The following PYGB variants were observed in gnomAD, a reference collection of about 807,000 sequenced individuals.
PYGB encodes glycogen phosphorylase B.
Under a neutral mutation model 94.3 loss-of-function variants are expected in PYGB, and 82 were observed. That is an observed-to-expected ratio of 0.87 (90% CI 0.73 to 1.04). PYGB has a LOEUF of 1.04. Ranked by LOEUF, PYGB falls within the 50% of genes least tolerant of loss-of-function variation. The pLI is 0.00. For missense variants in PYGB, 1,132 were observed against 1,158.2 expected, an observed-to-expected ratio of 0.98 and a Z score of 0.33; for synonymous variants, 488 against 479.1, an observed-to-expected ratio of 1.02 and a Z score of -0.24.
intron 2 of PYGB, among the ~76,000 whole-genome samples, chr20:25,259,687 C>G (rs1047939373): frequency 1.3e-5 from 2 of 152,198 alleles, no homozygotes; most frequent in East Asian, 3.8e-4. Flanking sequence ...AACTGCTAAC[C>G]CATGTCTGGT....
At position 25,295,595 on chromosome 20, in the gene PYGB, C is replaced by T; in HGVS notation, c.2313-9C>T. 6.2e-7 allele frequency: 1 copy of T among 1,613,396 alleles called. No individual in the cohort carries two copies. The highest frequency in any genetic ancestry group is 2.2e-5 in the East Asian group (1 of 44,884). Reference sequence around the variant, plus strand: ...CTGCCCTGGCCCAGCCTCCTTTCTCCCATTCCAGGTTCAAGGTGTTTGCAG... The same window carrying T: ...CTGCCCTGGCCCAGCCTCCTTTCTCTCATTCCAGGTTCAAGGTGTTTGCAG... On this transcript the variant is annotated splice_polypyrimidine_tract_variant and intron_variant, in intron 18 of 19. Transcript: ENST00000216962.
At chr20:25,288,703 CCTAGAGGGCCAGTCCCCAGT>C (rs1187715645) in intron 15 of PYGB, 3 of 581,636 alleles carry the variant, frequency 5.2e-6, no homozygotes, top group Non-Finnish European at 9.1e-6. Context: ...GGGTCCCCAG[CCTAGAGGGCCAGTCCCCAGT>C]GGGCTTGCTG....
At chr20:25,264,502 A>G (rs1329103636) in intron 2 of PYGB, among the ~76,000 whole-genome samples, 1 of 152,212 alleles carries the variant, frequency 6.6e-6, no homozygotes, top group Non-Finnish European at 1.5e-5. Flanking sequence ...TTTGCTGATG[A>G]CATATTTGTA....
At chr20:25,258,305 G>C (rs139063119) in intron 1 of PYGB, among the ~76,000 whole-genome samples, 139 of 152,286 alleles carry the variant, frequency 9.1e-4, no homozygotes, top group African/African-American at 3.3e-3. Flanking sequence ...AGTTGCTGCC[G>C]TTTCCTTTCT....
intron 2 of PYGB, among the ~76,000 whole-genome samples, chr20:25,268,742 G>A (rs1253700371): frequency 1.3e-5 from 2 of 152,134 alleles, no homozygotes; most frequent in African/African-American, 2.4e-5. Context: ...TTAGCATAAC[G>A]TATCTGTTTC....
intron 2 of PYGB, among the ~76,000 whole-genome samples, chr20:25,260,985 T>C (rs575893047): frequency 2.0e-5 from 3 of 152,294 alleles, no homozygotes; most frequent in South Asian, 4.1e-4. Context: ...GCCGGGAAGC[T>C]TGAACTGGGT....
intron 1 of PYGB, among the ~76,000 whole-genome samples, chr20:25,254,103 T>C (rs537397678): frequency 6.6e-6 from 1 of 150,662 alleles, no homozygotes; most frequent in Admixed American, 6.6e-5. Flanking sequence ...GTCATAGCCT[T>C]GTTGCCCCTT....
Position 25,282,078 on chromosome 20 carries a change from G to C in PYGB, c.1449G>C (p.Lys483Asn). Residue 483 changes from lysine to asparagine, a missense_variant, in exon 12 of 20, where the codon AAG (lysine) becomes AAC (asparagine). Transcript: ENST00000216962. ...TGGAGCCAGAGAAGTTCCAGAATAA[G>C]ACCAATGGCATCACCCCCCGCCGGT... ...YELEPEKFQN[K>N]TNGITPRRWL... 6.2e-7 allele frequency: 1 copy of C among 1,613,974 alleles called. No homozygotes were observed.
chr20:25,276,993 CAGGGTCACCT>C (rs2088318342), intron 6 of PYGB, among the ~76,000 whole-genome samples: 1 of 150,830 alleles, frequency 6.6e-6, no homozygotes, highest in South Asian at 2.1e-4. Context: ...CCTGGGCACC[CAGGGTCACCT>C]TGTGCAGATC....
rs113543328 is a variant in PYGB at position 25,281,407 on chromosome 20, G to A, written c.1403+295G>A. Among the ~76,000 whole-genome samples, 181 of 152,348 alleles carry A rather than the reference G, an allele frequency of 1.2e-3. 1 individual carries two copies. Among genetic ancestry groups the A allele is most frequent in the African/African-American group, 4.1e-3 (172 of 41,582 alleles). Reference sequence around the variant, plus strand: ...CCCCTGCCTTCCTGGGGGTCCAGTCGGAGGCTCTGCACCACTGGTCCACCT... The same window carrying A: ...CCCCTGCCTTCCTGGGGGTCCAGTCAGAGGCTCTGCACCACTGGTCCACCT... On this transcript the variant is annotated intron_variant, in intron 11 of 19. Coordinates refer to ENST00000216962, the MANE Select transcript of PYGB (RefSeq NM_002862.4).
At chr20:25,254,752 G>C (rs1438403955) in intron 1 of PYGB, among the ~76,000 whole-genome samples, 3 of 152,208 alleles carry the variant, frequency 2.0e-5, no homozygotes, top group Admixed American at 1.3e-4. Flanking sequence ...CAGTGATAAG[G>C]AGAAGGCTCC....
chr20:25,285,759 A>C (rs944499633), intron 14 of PYGB, among the ~76,000 whole-genome samples: 1 of 151,974 alleles, frequency 6.6e-6, no homozygotes, highest in Non-Finnish European at 1.5e-5. Flanking sequence ...GTCAGAGCTC[A>C]CAGCATCAAT....
intron 16 of PYGB, among the ~76,000 whole-genome samples, chr20:25,291,002 C>T (rs1214002772): frequency 6.6e-6 from 1 of 152,006 alleles, no homozygotes; most frequent in Non-Finnish European, 1.5e-5. Context: ...ACCCTCCCTC[C>T]CCTGCCCTCT....
intron 13 of PYGB, 36 bp from the exon 14 acceptor site, chr20:25,284,068 G>A: frequency 6.2e-7 from 1 of 1,608,214 alleles, no homozygotes; most frequent in Non-Finnish European, 8.5e-7. Context: ...GAGTCCTGGT[G>A]AAGTCTCCAG....
intron 5 of PYGB, 55 bp downstream of exon 5, chr20:25,274,778 G>C: frequency 1.3e-6 from 2 of 1,587,172 alleles, no homozygotes; most frequent in Non-Finnish European, 1.7e-6. Context: ...GGGGGCTGCT[G>C]CGGCTCATTT....
intron 1 of PYGB, among the ~76,000 whole-genome samples, chr20:25,253,309 G>C (rs2092893511): frequency 6.6e-6 from 1 of 152,180 alleles, no homozygotes; most frequent in African/African-American, 2.4e-5. Flanking sequence ...ATACCTTACT[G>C]TTCTGTGTCT....
At chr20:25,291,034 C>A (rs1176004795) in intron 16 of PYGB, among the ~76,000 whole-genome samples, 5 of 152,030 alleles carry the variant, frequency 3.3e-5, no homozygotes, top group Admixed American at 3.3e-4. Context: ...TCAGCCGTGT[C>A]TTCTGCCCTG....
Position 25,271,582 on chromosome 20 carries a change from C to T in PYGB, c.528+96C>T, listed in dbSNP as rs763550640. The T allele has an allele frequency of 1.3e-4, 178 of 1,356,826 alleles. 1 individual carries two copies. In the Middle Eastern group the frequency reaches 3.2e-3, roughly 25 times the overall value. The allele number at this position is 1,356,826 out of a possible 1,614,324, so 84.0% of individuals were successfully genotyped here. On this transcript the variant is annotated intron_variant, in intron 4 of 19. Coordinates refer to ENST00000216962, the MANE Select transcript of PYGB (RefSeq NM_002862.4). ...TTGTCTTTTTATACTTCCCACGCCC[C>T]CGCCAGGGGACTGCAGGCCGGCCAG...
intron 14 of PYGB, among the ~76,000 whole-genome samples, 179 bp downstream of exon 14, chr20:25,284,430 G>A (rs550654990): frequency 1.3e-5 from 2 of 152,298 alleles, no homozygotes; most frequent in South Asian, 4.1e-4. Flanking sequence ...TGTGCCCCAT[G>A]CCAGGCCTCA....
Sources: allele counts gnomAD v4.1 joint callset (sites outside exome capture counted in the v4.1 genomes callset), GRCh38; gene constraint gnomAD v4.1.1; transcripts MANE v1.5; gene names NCBI Gene and HGNC (gene_info 2026-07-23, HGNC 2026-07-21).